Variants in CFAP20DC observed in about 807,000 individuals in gnomAD.
CFAP20DC encodes CFAP20 domain containing, also known as protein CFAP20DC.
In CFAP20DC, 84 loss-of-function variants were observed where a neutral mutation model predicts 101.7. The observed-to-expected ratio is 0.83, with a 90% CI of 0.69 to 0.99. The LOEUF (loss-of-function observed/expected upper bound fraction) is 0.99, where lower values mean the gene tolerates loss of function less well. CFAP20DC is among the 50% of genes least tolerant of loss of function. The probability of loss-of-function intolerance (pLI) is 0.00; values close to 1 mark genes in which losing one functional copy is unlikely to be tolerated. For missense variants in CFAP20DC, 1,007 were observed against 970.3 expected, an observed-to-expected ratio of 1.04 and a Z score of -0.50; for synonymous variants, 359 against 351.2, an observed-to-expected ratio of 1.02 and a Z score of -0.25.
chr3:58,871,118 G>C (rs1225740415), intron 7 of CFAP20DC, among the ~76,000 whole-genome samples: 1 of 152,092 alleles, frequency 6.6e-6, no homozygotes, highest in Non-Finnish European at 1.5e-5. Context: ...ATGTAAGGCA[G>C]GCCAGTGGCA....
At chr3:58,987,785 T>C (rs1054336496) in intron 4 of CFAP20DC, among the ~76,000 whole-genome samples, 2 of 151,686 alleles carry the variant, frequency 1.3e-5, no homozygotes, top group African/African-American at 4.8e-5. Flanking sequence ...GAGAAAAAAA[T>C]AGAAAACTTA....
intron 5 of CFAP20DC, among the ~76,000 whole-genome samples, chr3:58,936,448 C>T (rs2087632184): frequency 6.6e-6 from 1 of 152,192 alleles, no homozygotes; most frequent in Non-Finnish European, 1.5e-5. Context: ...GGTTAGAAAT[C>T]ATGCTGCTAT....
intron 4 of CFAP20DC, among the ~76,000 whole-genome samples, chr3:58,961,123 A>C (rs1402557167): frequency 2.0e-5 from 3 of 152,088 alleles, no homozygotes; most frequent in Non-Finnish European, 4.4e-5. Context: ...TCATTTTTGT[A>C]TGTTTCTAGA....
At chr3:58,978,070 T>C (rs920579234) in intron 4 of CFAP20DC, among the ~76,000 whole-genome samples, 1 of 152,142 alleles carries the variant, frequency 6.6e-6, no homozygotes, top group Non-Finnish European at 1.5e-5. Context: ...AGTAGGCTAG[T>C]GAGTGCCAAG....
rs867161296 is a variant in CFAP20DC, at chr3:58,899,789, C to G, written c.550+13919G>C. ...CCCCACCCTGCTTTTTTTCCATTCT[C>G]TGCAGGTCAAGCTGTTTGCCTAGTC... On this transcript the variant is annotated intron_variant, in intron 6 of 16. Transcript: ENST00000482387. This position sits in a 1 kb window ranked among gnomAD's most constrained non-coding sequence, Gnocchi z 5.0. Among the ~76,000 whole-genome samples, 6 of 152,260 alleles carry G rather than the reference C, an allele frequency of 3.9e-5. No individual in the cohort carries two copies. Among genetic ancestry groups the G allele is most frequent in the Admixed American group, 6.5e-5 (1 of 15,294 alleles).
At chr3:58,789,705 G>T (rs2072688265) in intron 15 of CFAP20DC, among the ~76,000 whole-genome samples, 1 of 152,140 alleles carries the variant, frequency 6.6e-6, no homozygotes, top group African/African-American at 2.4e-5. Context: ...TGATATGGGT[G>T]ATAAATGGAT....
In CFAP20DC at chr3:58,859,118, C is replaced by T. The variant is rs930765948; in HGVS notation, c.1593+4440G>A. Reference sequence around the variant, plus strand: ...TAGTTGTGTCTTATAATACATTTTACGAGTTTGTAAACAAATAAAATAAAA... The same window carrying T: ...TAGTTGTGTCTTATAATACATTTTATGAGTTTGTAAACAAATAAAATAAAA... On this transcript the variant is annotated intron_variant, in intron 12 of 16. Transcript: ENST00000482387. The surrounding 1 kb of genome is among the most constrained non-coding windows in gnomAD (Gnocchi z 4.1). Among the ~76,000 whole-genome samples, 2 of 152,102 alleles carry T rather than the reference C, an allele frequency of 1.3e-5. No homozygotes were observed. Among genetic ancestry groups the T allele is most frequent in the African/African-American group, 2.4e-5 (1 of 41,430 alleles).
chr3:58,786,938 T>C, intron 15 of CFAP20DC, among the ~76,000 whole-genome samples: 1 of 151,816 alleles, frequency 6.6e-6, no homozygotes, highest in Admixed American at 6.6e-5. Flanking sequence ...GGTATGCATA[T>C]ATAGAAAAAA....
At chr3:58,828,256 T>C (rs75000862) in intron 14 of CFAP20DC, among the ~76,000 whole-genome samples, 2 of 152,138 alleles carry the variant, frequency 1.3e-5, no homozygotes, top group African/African-American at 4.8e-5. Flanking sequence ...ATAATGATAA[T>C]AATAATGACA....
chr3:58,806,357 T>C (rs2074054628), intron 15 of CFAP20DC, 38 bp downstream of exon 15: 1 of 1,377,674 alleles, frequency 7.3e-7, no homozygotes, highest in Non-Finnish European at 1.0e-6. Context: ...CAACTAAGTT[T>C]TTTTTTTTCT....
chr3:58,837,458 G>A lies in CFAP20DC; in HGVS notation c.1972-5569C>T, dbSNP rs115514741. On this transcript the variant is annotated intron_variant, in intron 13 of 16. Coordinates refer to ENST00000482387, the MANE Select transcript of CFAP20DC (RefSeq NM_001394063.1). ...GTGGGGATAATTAGTTGTGAGGAAC[G>A]AATAGTGACAGGGAGGGAGCACAGT... Among the ~76,000 whole-genome samples, 624 of 152,276 alleles carry A rather than the reference G, an allele frequency of 4.1e-3. 5 individuals are homozygous for A. The highest frequency in any genetic ancestry group is 0.015 in the African/African-American group (604 of 41,560).
intron 4 of CFAP20DC, among the ~76,000 whole-genome samples, chr3:58,939,646 G>A (rs576935823): frequency 6.6e-6 from 1 of 151,714 alleles, no homozygotes; most frequent in African/African-American, 2.4e-5. Flanking sequence ...TTTTAGTAGA[G>A]ACAGGGTTTC....
At chr3:58,989,377 T>C (rs972664163) in intron 4 of CFAP20DC, among the ~76,000 whole-genome samples, 15 of 152,152 alleles carry the variant, frequency 9.9e-5, no homozygotes, top group South Asian at 2.1e-4. Context: ...TTTTTGCTAA[T>C]GATGATTACA....
In CFAP20DC at chr3:58,819,783, C is replaced by A. The variant is rs1402757331; in HGVS notation, c.2175+11903G>T. Among the ~76,000 whole-genome samples the A allele has an allele frequency of 6.7e-3, 994 of 147,872 alleles. 10 individuals carry two copies. Among genetic ancestry groups the A allele is most frequent in the African/African-American group, 0.024 (941 of 39,340 alleles). ...TAGAAAAAGAGGGAATCCTCCCTAA[C>A]TCATTTTATGAGGCCAGCATCATCC... On this transcript the variant is annotated intron_variant, in intron 14 of 16. Coordinates refer to ENST00000482387, the MANE Select transcript of CFAP20DC (RefSeq NM_001394063.1).
chr3:58,878,666 C>T (rs550172335), intron 7 of CFAP20DC, among the ~76,000 whole-genome samples: 1 of 152,228 alleles, frequency 6.6e-6, no homozygotes, highest in Admixed American at 6.5e-5. Context: ...GAAGATGATG[C>T]TTAAAACTAT....
rs1173493193 is a variant in CFAP20DC at position 58,897,874 on chromosome 3, T to C, written c.551-13165A>G. Among the ~76,000 whole-genome samples, 1 of 152,160 alleles carries C rather than the reference T, an allele frequency of 6.6e-6. No individual in the cohort carries two copies. The highest frequency in any genetic ancestry group is 2.1e-4 in the South Asian group (1 of 4,828). ...ATGTGCCTTGGCATTGATCGTCTCA[T>C]GGAGTATCTTATTGGGGTTGTCTGC... On this transcript the variant is annotated intron_variant, in intron 6 of 16. Coordinates refer to ENST00000482387, the MANE Select transcript of CFAP20DC (RefSeq NM_001394063.1). The surrounding 1 kb of genome is among the most constrained non-coding windows in gnomAD (Gnocchi z 4.4).
At chr3:58,781,031 A>G (rs2107569524) in intron 15 of CFAP20DC, among the ~76,000 whole-genome samples, 1 of 152,128 alleles carries the variant, frequency 6.6e-6, no homozygotes, top group East Asian at 1.9e-4. Context: ...TAGAATATAT[A>G]TTAGAATATA....
At chr3:58,733,333 A>T (rs923794103) in intron 3 of CFAP20DC, among the ~76,000 whole-genome samples, 2 of 151,870 alleles carry the variant, frequency 1.3e-5, no homozygotes, top group African/African-American at 2.4e-5. Flanking sequence ...CTGCACATGT[A>T]CCCTAAAACT....
At chr3:58,831,600 G>T in intron 14 of CFAP20DC, 86 bp downstream of exon 14, 1 of 1,167,208 alleles carries the variant, frequency 8.6e-7, no homozygotes, top group Non-Finnish European at 1.2e-6. Context: ...TTTGGTCCTG[G>T]CTTTTCCAGG....
Sources: gnomAD v4.1 joint callset for allele counts (sites outside exome capture counted in the v4.1 genomes callset) on GRCh38, gnomAD v4.1.1 for gene constraint, Gnocchi (gnomAD v3.1) non-coding constraint, MANE v1.5 for transcripts, NCBI Gene and HGNC (gene_info 2026-07-23, HGNC 2026-07-21) for gene names.